The following TTC21B variants were observed in gnomAD, a reference collection of about 807,000 sequenced individuals.
The protein encoded by TTC21B is tetratricopeptide repeat domain 21B, also known as tetratricopeptide repeat protein 21B.
A neutral mutation model predicts 175.1 loss-of-function variants in TTC21B; 127 were observed. The ratio of observed to expected loss-of-function variants is 0.73; its 90% CI spans 0.63 to 0.84. The LOEUF (loss-of-function observed/expected upper bound fraction) is 0.84, where lower values mean the gene tolerates loss of function less well. Among genes scored for constraint, TTC21B ranks in the 40% least tolerant of loss-of-function variants. The pLI, the probability that TTC21B is intolerant of heterozygous loss-of-function variation, is 0.00. For synonymous variants in TTC21B, 524 were observed against 524.5 expected (o/e 1.00, Z 0.01); for missense variants, 1,561 against 1,558.3 (o/e 1.00, Z -0.03).
chr2:165,949,436 G>A lies in TTC21B; in HGVS notation c.220C>T (p.Leu74=), dbSNP rs1559078571. 1.9e-6 allele frequency: 3 copies of A among 1,613,740 alleles called. No homozygotes were observed. The highest frequency in any genetic ancestry group is 2.5e-6 in the Non-Finnish European group (3 of 1,179,744). ...KNKQDVSLCS[L]LALIYAHKMS... ...TTATGGGCATATATCAGTGCAAGTA[G>A]AGAACAAAGTGATACATCTTGTTTA... The change falls in exon 3 of 29, where the codon CTA becomes TTA. Residue 74 remains leucine (L), a synonymous_variant. Coordinates refer to ENST00000243344, the MANE Select transcript of TTC21B (RefSeq NM_024753.5).
chr2:165,913,449 T>G (rs1686033457), intron 16 of TTC21B, 125 bp downstream of exon 16: 1 of 680,570 alleles, frequency 1.5e-6, no homozygotes, highest in East Asian at 2.7e-5. Context: ...ATATCTCCCT[T>G]TTACTGTGAT....
At chr2:165,903,265 G>C (rs921869773) in intron 19 of TTC21B, among the ~76,000 whole-genome samples, 3 of 152,068 alleles carry the variant, frequency 2.0e-5, no homozygotes, top group African/African-American at 7.2e-5. Context: ...GGTGAGTTGG[G>C]GAAAAACAGA....
intron 27 of TTC21B, chr2:165,879,973 A>C (rs1684787175): frequency 6.5e-6 from 1 of 152,834 alleles, no homozygotes; most frequent in Non-Finnish European, 1.5e-5. Context: ...ATGATCTGTA[A>C]GAGGGAGGCA....
rs1337958802 is a variant in TTC21B at position 165,924,631 on chromosome 2, G to A, written c.1434C>T (p.Ile478=). The change falls in exon 12 of 29, where the codon ATC becomes ATT. Residue 478 remains isoleucine, a synonymous_variant. Coordinates refer to ENST00000243344, the MANE Select transcript of TTC21B (RefSeq NM_024753.5). ...QPLCPLLRRC[I]SVLETVVRTV... ...TTCTTACTACAGTCTCCAGGACTGA[G>A]ATGCAACGCCTGAGAAGTGGACAAA... 2 of 1,613,810 alleles carry A rather than the reference G, an allele frequency of 1.2e-6. No individual in the cohort carries two copies. The highest frequency in any genetic ancestry group is 1.7e-5 in the Admixed American group (1 of 60,014).
Position 165,883,793 on chromosome 2 carries a change from C to T in TTC21B, c.3684+1G>A, listed in dbSNP as rs368907623. ...TTATTTTTTACTCTTCAATCACCTA[C>T]TCTATTATGACGCAGGCACCGTTTT... On this transcript the variant is annotated splice_donor_variant, in intron 26 of 28. Coordinates refer to ENST00000243344, the MANE Select transcript of TTC21B (RefSeq NM_024753.5). LOFTEE classifies it high-confidence loss of function. 6.2e-7 allele frequency: 1 copy of T among 1,611,454 alleles called. No homozygotes were observed. The highest frequency in any genetic ancestry group is 8.5e-7 in the Non-Finnish European group (1 of 1,177,602).
intron 19 of TTC21B, 26 bp from the exon 20 acceptor site, chr2:165,901,936 A>AT (rs760864191): frequency 3.9e-5 from 61 of 1,578,712 alleles, no homozygotes; most frequent in Middle Eastern, 1.7e-4. Flanking sequence ...ATAAAAGGGA[A>AT]TAAAAAAAAA....
chr2:165,882,187 AG>A (rs1438060310), intron 26 of TTC21B, among the ~76,000 whole-genome samples: 1 of 152,124 alleles, frequency 6.6e-6, no homozygotes, highest in Admixed American at 6.5e-5. Context: ...TAAATTTATC[AG>A]GGTTGAAAAA....
chr2:165,898,760 G>C lies in TTC21B; in HGVS notation c.2876C>G (p.Ala959Gly). Residue 959 changes from alanine to glycine, a missense_variant, in exon 22 of 29, where the codon GCT (alanine) becomes GGT (glycine). Transcript: ENST00000243344. ...GTCTTGTTTTCTGAACATGAGATCA[G>C]CCATCATCTATAAAGATAAAAGTTG... is the stretch of plus-strand genomic sequence containing the variant. Reference protein sequence around the residue: ...QDNEAATMMMADLMFRKQDYE... With the variant: ...QDNEAATMMMGDLMFRKQDYE... 6.2e-7 allele frequency: 1 copy of C among 1,609,196 alleles called. No homozygotes were observed.
intron 12 of TTC21B, among the ~76,000 whole-genome samples, chr2:165,921,788 CTTTT>C (rs569807955): frequency 3.1e-5 from 4 of 129,010 alleles, no homozygotes; most frequent in Non-Finnish European, 5.1e-5. Context: ...GCTGCTCTTC[CTTTT>C]TTTTTTTTTT....
chr2:165,931,810 T>C lies in TTC21B; in HGVS notation c.842A>G (p.Glu281Gly). The C allele has an allele frequency of 1.2e-6, 2 of 1,613,638 alleles. No individual in the cohort carries two copies. The highest frequency in any genetic ancestry group is 1.7e-6 in the Non-Finnish European group (2 of 1,179,624). ...ENLGNTLDAM[E>G]PQNAQLFYNI... ...ATAGAAAAGTTGAGCATTCTGTGGT[T>C]CCATGGCATCCAATGTATTTCCCAA... The change falls in exon 8 of 29, where the codon GAA becomes GGA. Residue 281 changes from glutamate (E) to glycine (G), a missense_variant. Coordinates refer to ENST00000243344, the MANE Select transcript of TTC21B (RefSeq NM_024753.5).
At chr2:165,935,036 C>T (rs776548096) in intron 6 of TTC21B, among the ~76,000 whole-genome samples, 1 of 152,126 alleles carries the variant, frequency 6.6e-6, no homozygotes, top group South Asian at 2.1e-4. Flanking sequence ...TGGGCCTGGG[C>T]TTTTATGAAA....
intron 28 of TTC21B, 33 bp from the exon 29 acceptor site, chr2:165,874,865 G>GT: frequency 6.3e-7 from 1 of 1,591,826 alleles, no homozygotes; most frequent in Non-Finnish European, 8.6e-7. Flanking sequence ...ATAAAAACTT[G>GT]TAACTAATAA....
chr2:165,908,113 A>G (rs1460232073), intron 18 of TTC21B, among the ~76,000 whole-genome samples: 1 of 152,212 alleles, frequency 6.6e-6, no homozygotes, highest in African/African-American at 2.4e-5. Flanking sequence ...TGAAGTCATT[A>G]GAAGATAGAG....
intron 1 of TTC21B, among the ~76,000 whole-genome samples, chr2:165,952,865 T>C (rs1467486599): frequency 6.6e-6 from 1 of 152,220 alleles, no homozygotes; most frequent in Non-Finnish European, 1.5e-5. Context: ...GAAGAGTTTT[T>C]CTTGGTTTTA....
At chr2:165,916,093 C>T (rs1686163504) in intron 14 of TTC21B, among the ~76,000 whole-genome samples, 1 of 152,122 alleles carries the variant, frequency 6.6e-6, no homozygotes, top group Non-Finnish European at 1.5e-5. Context: ...GACCATCCTG[C>T]ATAACATAGG....
Position 165,883,849 on chromosome 2 carries a change from G to A in TTC21B, c.3629C>T (p.Ser1210Leu). 1 of 1,614,052 alleles carries A rather than the reference G, an allele frequency of 6.2e-7. No homozygotes were observed. The stretch of plus-strand genomic sequence containing the variant: ...GTCTTCTGCCATGTCATATTTTGCT[G>A]ATTGAATGTAAATATCAGCAAGTAG... ...WLLLADIYIQSAKYDMAEDLL... is the reference protein window; with the variant it reads ...WLLLADIYIQLAKYDMAEDLL... Residue 1210 changes from serine (S) to leucine (L), a missense_variant, in exon 26 of 29, where the codon TCA becomes TTA. Physicochemically the swap from Ser to Leu is moderately radical, Grantham distance 145 (BLOSUM62 -2). Transcript: ENST00000243344.
intron 13 of TTC21B, among the ~76,000 whole-genome samples, 163 bp from the exon 14 acceptor site, chr2:165,917,644 A>C (rs1213041428): frequency 6.6e-6 from 1 of 152,222 alleles, no homozygotes; most frequent in Non-Finnish European, 1.5e-5. Flanking sequence ...ATTATGTATC[A>C]CATTAAATCG....
intron 18 of TTC21B, among the ~76,000 whole-genome samples, chr2:165,908,954 C>T (rs1295452238): frequency 6.6e-6 from 1 of 152,024 alleles, no homozygotes; most frequent in Non-Finnish European, 1.5e-5. Context: ...AATTTAAGCA[C>T]CAATGTCATT....
intron 15 of TTC21B, among the ~76,000 whole-genome samples, chr2:165,914,698 T>TACGTGCGCGCGCGCGCGTGTGTGTG (rs71031214): frequency 3.0e-5 from 4 of 132,374 alleles, no homozygotes; most frequent in Non-Finnish European, 3.2e-5. Flanking sequence ...TGTGTGTGTG[T>TACGTGCGCGCGCGCGCGTGTGTGTG]TGTGTATCCC....
Sources: allele counts gnomAD v4.1 joint callset (sites outside exome capture counted in the v4.1 genomes callset), GRCh38; gene constraint gnomAD v4.1.1; transcripts MANE v1.5; gene names NCBI Gene and HGNC (gene_info 2026-07-23, HGNC 2026-07-21).